OR4K13: variants seen among roughly 807,000 people sequenced by gnomAD.
The protein encoded by OR4K13 is olfactory receptor family 4 subfamily K member 13, also known as olfactory receptor 4K13.
For missense variants in OR4K13, 403 were observed against 366.0 expected (o/e 1.10, Z -0.82); for synonymous variants, 160 against 134.8 (o/e 1.19, Z -1.30).
chr14:20,035,788 C>T (rs1463988915), intron 1 of OR4K13, 150 bp downstream of exon 1: 3 of 151,986 alleles, frequency 2.0e-5, no homozygotes, highest in Non-Finnish European at 2.9e-5. Flanking sequence ...AATTTGTCAT[C>T]GGCTCATGCT....
chr14:20,032,841 T>C lies in OR4K13; in HGVS notation c.*1003A>G, dbSNP rs1276096401. 6.6e-6 allele frequency: 1 copy of C among 152,234 alleles called. No homozygotes were observed. The highest frequency in any genetic ancestry group is 1.5e-5 in the Non-Finnish European group (1 of 68,050). 9.4% of individuals were successfully genotyped at this position (152,234 alleles called of 1,614,324 possible). On this transcript the variant is annotated 3_prime_UTR_variant, in exon 2 of 2. Transcript: ENST00000641904. ...AAAGAGTGTCCTATATTTTCTATTA[T>C]ATGATCAGACTACATTTGACCTACC...
Position 20,034,450 on chromosome 14 carries a change from A to T in OR4K13, c.309T>A (p.Phe103Leu), listed in dbSNP as rs1406072849. ...TCTCACTCCCACCCAGGAGGTGCAT[A>T]AAGAACATCTGGGAATAACATCCCC... ...SWWGCYSQMF[F>L]MHLLGGSEMM... is the part of the protein sequence containing the mutation. The change falls in exon 2 of 2, where the codon TTT (phenylalanine) becomes TTA (leucine). Residue 103 changes from phenylalanine to leucine, a missense_variant. Coordinates refer to ENST00000641904, the MANE Select transcript of OR4K13 (RefSeq NM_001004714.2). 4 of 1,613,918 alleles carry T rather than the reference A, an allele frequency of 2.5e-6. No homozygotes were observed. The African/African-American group carries it at 5.3e-5, about 22-fold the overall frequency.
rs1315472495 is a variant in OR4K13 at position 20,035,935 on chromosome 14, T to G, written c.-224+3A>C. The G allele has an allele frequency of 6.6e-6, 1 of 152,114 alleles. No individual in the cohort carries two copies. Among genetic ancestry groups the G allele is most frequent in the Non-Finnish European group, 1.5e-5 (1 of 67,996 alleles). The allele number at this position is 152,114 out of a possible 1,614,324, so 9.4% of individuals were successfully genotyped here. ...GTCATCTTTTTGTGCTGTTATTACT[T>G]ACAAGACAGGGGAAAAAAACTTTCG... On this transcript the variant is annotated splice_donor_region_variant and intron_variant, in intron 1 of 1. Transcript: ENST00000641904.
chr14:20,034,925 T>A lies in OR4K13; in HGVS notation c.-167A>T. ...TGTGGAATTTTGTCAGTCAGTGATT[T>A]TACTAATGGCCCAGAGAAGTATCCC... On this transcript the variant is annotated 5_prime_UTR_variant, in exon 2 of 2. Coordinates refer to ENST00000641904, the MANE Select transcript of OR4K13 (RefSeq NM_001004714.2). The A allele has an allele frequency of 1.7e-6, 1 of 603,856 alleles. No individual in the cohort carries two copies. The highest frequency in any genetic ancestry group is 2.1e-5 in the South Asian group (1 of 47,332). 37.4% of individuals were successfully genotyped at this position (603,856 alleles called of 1,614,324 possible).
chr14:20,034,544 A>T lies in OR4K13; in HGVS notation c.215T>A (p.Ile72Asn). Residue 72 changes from isoleucine to asparagine, a missense_variant, in exon 2 of 2, where the codon ATC becomes AAC. Physicochemically the swap from Ile to Asn is moderately radical, Grantham distance 149 (BLOSUM62 -3). Transcript: ENST00000641904. Reference protein sequence around the residue: ...LLSNLSCIDMILASFATPKMI... With the variant: ...LLSNLSCIDMNLASFATPKMI... ...CTTAGGGGTAGCAAAAGAAGCCAGG[A>T]TCATATCAATGCAGGAGAGGTTGCT... 2 of 1,614,038 alleles carry T rather than the reference A, an allele frequency of 1.2e-6. No homozygotes were observed. Among genetic ancestry groups the T allele is most frequent in the Non-Finnish European group, 1.7e-6 (2 of 1,179,988 alleles).
At position 20,029,507 on chromosome 14, in the gene OR4K13, TATAGTGTTC is replaced by T. The variant is rs1352738729; in HGVS notation, c.*4328_*4336del. On this transcript the variant is annotated 3_prime_UTR_variant, in exon 2 of 2. Transcript: ENST00000641904. ...GTTTTGGTTAATGCAGTTATAAAGATATAGTGTTCATATTATTTGGTAAAATCACACTAG... is the reference window on the plus strand; with the variant it reads ...GTTTTGGTTAATGCAGTTATAAAGATATATTATTTGGTAAAATCACACTAG... The T allele has an allele frequency of 1.1e-4, 16 of 152,236 alleles. No homozygotes were observed. The highest frequency in any genetic ancestry group is 1.0e-3 in the Admixed American group (16 of 15,280). 9.4% of individuals were successfully genotyped at this position (152,236 alleles called of 1,614,324 possible).
Position 20,033,724 on chromosome 14 carries a change from A to T in OR4K13, c.*120T>A. 1.7e-6 allele frequency: 1 copy of T among 601,212 alleles called. No homozygotes were observed. The highest frequency in any genetic ancestry group is 2.9e-6 in the Non-Finnish European group (1 of 348,096). 37.2% of individuals were successfully genotyped at this position (601,212 alleles called of 1,614,324 possible). ...TACTTTAATTTTGTCATTTACTTTA[A>T]TGGCAAAAACCGCAATGACTTTTGC... On this transcript the variant is annotated 3_prime_UTR_variant, in exon 2 of 2. Coordinates refer to ENST00000641904, the MANE Select transcript of OR4K13 (RefSeq NM_001004714.2).
chr14:20,034,871 G>T lies in OR4K13; in HGVS notation c.-113C>A. 1 of 885,882 alleles carries T rather than the reference G, an allele frequency of 1.1e-6. No homozygotes were observed. The highest frequency in any genetic ancestry group is 1.7e-6 in the Non-Finnish European group (1 of 591,808). The allele number at this position is 885,882 out of a possible 1,614,324, so 54.9% of individuals were successfully genotyped here. On this transcript the variant is annotated 5_prime_UTR_variant, in exon 2 of 2. Transcript: ENST00000641904. ...TGTCCACATTTGGTACTCAGTCAAG[G>T]CACTTGAACTTACAAGGACCCTTAC...
At position 20,033,308 on chromosome 14, in the gene OR4K13, G is replaced by A. The variant is rs1205960752; in HGVS notation, c.*536C>T. 1 of 153,210 alleles carries A rather than the reference G, an allele frequency of 6.5e-6. No homozygotes were observed. Among genetic ancestry groups the A allele is most frequent in the Non-Finnish European group, 1.5e-5 (1 of 68,880 alleles). 9.5% of individuals were successfully genotyped at this position (153,210 alleles called of 1,614,324 possible). Reference sequence around the variant, plus strand: ...CCCAGAACATGCAGTTTTCTAGCCTGTAAGGCACTTGGATAAATAACCGTG... The same window carrying A: ...CCCAGAACATGCAGTTTTCTAGCCTATAAGGCACTTGGATAAATAACCGTG... On this transcript the variant is annotated 3_prime_UTR_variant, in exon 2 of 2. Transcript: ENST00000641904.
rs547602809 is a variant in OR4K13, at chr14:20,030,339, TAA to T, written c.*3503_*3504del. ...ATGTGCAACTATTATATATTCATAA[TAA>T]TTAAAAATAAATTTTAAAAAATTAA... On this transcript the variant is annotated 3_prime_UTR_variant, in exon 2 of 2. Transcript: ENST00000641904. 2.0e-3 allele frequency: 302 copies of T among 151,994 alleles called. No homozygotes were observed. Among genetic ancestry groups the T allele is most frequent in the African/African-American group, 7.0e-3 (289 of 41,526 alleles). 9.4% of individuals were successfully genotyped at this position (151,994 alleles called of 1,614,324 possible).
In OR4K13 at chr14:20,034,853, A is replaced by G; in HGVS notation, c.-95T>C. 9.5e-7 allele frequency: 1 copy of G among 1,055,390 alleles called. No homozygotes were observed. Among genetic ancestry groups the G allele is most frequent in the South Asian group, 1.6e-5 (1 of 61,328 alleles). The allele number at this position is 1,055,390 out of a possible 1,614,324, so 65.4% of individuals were successfully genotyped here. A position where few individuals can be genotyped will look rare whatever the true frequency, so the allele number is the denominator to read the frequency against. On this transcript the variant is annotated 5_prime_UTR_variant, in exon 2 of 2. An upstream start codon of the reference 5' UTR is lost. Coordinates refer to ENST00000641904, the MANE Select transcript of OR4K13 (RefSeq NM_001004714.2). Reference sequence around the variant, plus strand: ...AAGAAATGTTCATGTTGATGTCCACATTTGGTACTCAGTCAAGGCACTTGA... The same window carrying G: ...AAGAAATGTTCATGTTGATGTCCACGTTTGGTACTCAGTCAAGGCACTTGA...
At position 20,031,297 on chromosome 14, in the gene OR4K13, C is replaced by A. The variant is rs1877412830; in HGVS notation, c.*2547G>T. On this transcript the variant is annotated 3_prime_UTR_variant, in exon 2 of 2. Transcript: ENST00000641904. ...AATGGCAGGCAGAAGGAGGGCGGTGCCTCTACTGGCTGTCAGGGTGAGGGT... is the reference window on the plus strand; with the variant it reads ...AATGGCAGGCAGAAGGAGGGCGGTGACTCTACTGGCTGTCAGGGTGAGGGT... The A allele has an allele frequency of 6.6e-6, 1 of 152,138 alleles. No individual in the cohort carries two copies. Among genetic ancestry groups the A allele is most frequent in the Non-Finnish European group, 1.5e-5 (1 of 68,036 alleles). The allele number at this position is 152,138 out of a possible 1,614,324, so 9.4% of individuals were successfully genotyped here.
In OR4K13 at chr14:20,033,606, A is replaced by G. The variant is rs138429034; in HGVS notation, c.*238T>C. On this transcript the variant is annotated 3_prime_UTR_variant, in exon 2 of 2. Coordinates refer to ENST00000641904, the MANE Select transcript of OR4K13 (RefSeq NM_001004714.2). ...TGTGTTTGACCATAAAAGATCACAA[A>G]AAGGTGTTTGCTTTTTAACAATTAC... 20 of 322,040 alleles carry G rather than the reference A, an allele frequency of 6.2e-5. No homozygotes were observed. Among genetic ancestry groups the G allele is most frequent in the Middle Eastern group, 9.5e-4 (1 of 1,052 alleles). The allele number at this position is 322,040 out of a possible 1,614,324, so 19.9% of individuals were successfully genotyped here.
At position 20,031,758 on chromosome 14, in the gene OR4K13, C is replaced by T. The variant is rs896860116; in HGVS notation, c.*2086G>A. The stretch of plus-strand genomic sequence containing the variant: ...ATAATATAACCAGCTTAAAATATAA[C>T]CAGCTGAAGTCTCCCCCGCCTCCCC... On this transcript the variant is annotated 3_prime_UTR_variant, in exon 2 of 2. Transcript: ENST00000641904. 3 of 152,098 alleles carry T rather than the reference C, an allele frequency of 2.0e-5. No individual in the cohort carries two copies. In the South Asian group the frequency reaches 6.2e-4, roughly 32 times the overall value. The allele number at this position is 152,098 out of a possible 1,614,324, so 9.4% of individuals were successfully genotyped here. A position where few individuals can be genotyped will look rare whatever the true frequency, so the allele number is the denominator to read the frequency against.
In OR4K13 at chr14:20,030,669, TTAAA is replaced by T. The variant is rs1178842313; in HGVS notation, c.*3171_*3174del. The T allele has an allele frequency of 6.6e-6, 1 of 152,210 alleles. No individual in the cohort carries two copies. The highest frequency in any genetic ancestry group is 1.5e-5 in the Non-Finnish European group (1 of 68,058). The allele number at this position is 152,210 out of a possible 1,614,324, so 9.4% of individuals were successfully genotyped here. A position where few individuals can be genotyped will look rare whatever the true frequency, so the allele number is the denominator to read the frequency against. On this transcript the variant is annotated 3_prime_UTR_variant, in exon 2 of 2. Coordinates refer to ENST00000641904, the MANE Select transcript of OR4K13 (RefSeq NM_001004714.2). Reference sequence around the variant, plus strand: ...CCTTAATTTTAACCCTGGGATCCCCTTAAATAGAGAGTTTGCAGAACAAACATTT... The same window carrying T: ...CCTTAATTTTAACCCTGGGATCCCCTTAGAGAGTTTGCAGAACAAACATTT...
chr14:20,035,595 G>A (rs186277951), intron 1 of OR4K13: 159 of 152,042 alleles, frequency 1.0e-3, no homozygotes, highest in African/African-American at 3.5e-3. Context: ...ACAGTCAAAT[G>A]TAATTGACTA....
Position 20,032,481 on chromosome 14 carries a change from A to G in OR4K13, c.*1363T>C, listed in dbSNP as rs1362678005. 3 of 152,234 alleles carry G rather than the reference A, an allele frequency of 2.0e-5. No individual in the cohort carries two copies. Among genetic ancestry groups the G allele is most frequent in the Non-Finnish European group, 4.4e-5 (3 of 68,036 alleles). The allele number at this position is 152,234 out of a possible 1,614,324, so 9.4% of individuals were successfully genotyped here. On this transcript the variant is annotated 3_prime_UTR_variant, in exon 2 of 2. Coordinates refer to ENST00000641904, the MANE Select transcript of OR4K13 (RefSeq NM_001004714.2). ...TAACATGTTAGAGACCTAGTACTCA[A>G]TGTTTTATCTTCTGTCTCTGGAATG...
chr14:20,029,423 T>A lies in OR4K13; in HGVS notation c.*4421A>T, dbSNP rs1402744846. The A allele has an allele frequency of 6.6e-6, 1 of 152,052 alleles. No individual in the cohort carries two copies. Among genetic ancestry groups the A allele is most frequent in the Non-Finnish European group, 1.5e-5 (1 of 67,996 alleles). The allele number at this position is 152,052 out of a possible 1,614,324, so 9.4% of individuals were successfully genotyped here. On this transcript the variant is annotated 3_prime_UTR_variant, in exon 2 of 2. Transcript: ENST00000641904. ...CAAATAAGTTAAAAATTAAACCACG[T>A]TCTAGGATAGGAAAGTCAAATGTGG...
In OR4K13 at chr14:20,034,627, G is replaced by A. The variant is rs758472932; in HGVS notation, c.132C>T (p.Leu44=). ...AATCAAAGGTCACAGTCACCAAGAT[G>A]AGCAGGTTTCCTAACACAATCCCCA... ...VFVGIVLGNL[L]ILVTVTFDSL... Residue 44 remains leucine (L), a synonymous_variant, in exon 2 of 2, where the codon CTC becomes CTT. Transcript: ENST00000641904. 4 of 1,613,994 alleles carry A rather than the reference G, an allele frequency of 2.5e-6. No individual in the cohort carries two copies. Among genetic ancestry groups the A allele is most frequent in the Admixed American group, 3.3e-5 (2 of 59,970 alleles).
Sources: allele counts gnomAD v4.1 joint callset, GRCh38; gene constraint gnomAD v4.1.1; transcripts MANE v1.5; gene names NCBI Gene and HGNC (gene_info 2026-07-23, HGNC 2026-07-21).